ELOF1: variants seen among roughly 807,000 people sequenced by gnomAD.
ELOF1 encodes transcription elongation factor 1 homolog.
A neutral mutation model predicts 7.1 loss-of-function variants in ELOF1; 4 were observed. The observed-to-expected ratio is 0.56, with a 90% CI of 0.28 to 1.29. The LOEUF is 1.29. ELOF1 is among the 50% of genes most tolerant of loss of function. ELOF1 has a pLI of 0.10. For missense variants in ELOF1, 59 were observed against 86.3 expected, an observed-to-expected ratio of 0.68 and a Z score of 1.25; for synonymous variants, 31 against 31.9, an observed-to-expected ratio of 0.97 and a Z score of 0.09.
At chr19:11,558,298 T>C (rs1242795097) in intron 1 of ELOF1, among the ~76,000 whole-genome samples, 1 of 152,004 alleles carries the variant, frequency 6.6e-6, no homozygotes, top group Non-Finnish European at 1.5e-5. Context: ...GTATTTTTTG[T>C]AGAGACAGGG....
intron 3 of ELOF1, 75 bp from the exon 4 acceptor site, chr19:11,553,885 T>C (rs1337326887): frequency 6.2e-7 from 1 of 1,610,186 alleles, no homozygotes; most frequent in East Asian, 2.2e-5. Flanking sequence ...CAGAAATCAC[T>C]AGGTGGCACC....
chr19:11,556,453 C>T (rs939604651), intron 1 of ELOF1, among the ~76,000 whole-genome samples: 3 of 151,930 alleles, frequency 2.0e-5, no homozygotes, highest in African/African-American at 4.8e-5. Flanking sequence ...GCATGCACTA[C>T]CACGCGTGGC....
At chr19:11,553,485 C>T (rs1972762096) in intron 3 of ELOF1, 5 of 594,986 alleles carry the variant, frequency 8.4e-6, no homozygotes, top group Non-Finnish European at 1.5e-5. Context: ...CCCGACACCA[C>T]CGCGTACCTG....
chr19:11,553,528 G>A, intron 3 of ELOF1: 3 of 627,926 alleles, frequency 4.8e-6, no homozygotes, highest in Admixed American at 2.7e-5. Context: ...CCAGTGACAC[G>A]TGCAGCCACA....
Position 11,553,604 on chromosome 19 carries a change from CACACA to C in ELOF1, c.187+402_187+406del, listed in dbSNP as rs1236549551. 6.0e-4 allele frequency: 390 copies of C among 650,550 alleles called. No individual in the cohort carries two copies. In the East Asian group the frequency reaches 8.3e-3, roughly 14 times the overall value. 40.3% of individuals were successfully genotyped at this position (650,550 alleles called of 1,614,324 possible). On this transcript the variant is annotated intron_variant, in intron 3 of 3. Coordinates refer to ENST00000586683, the Ensembl canonical transcript of ELOF1. ...CACTACACACACACACACACACACA[CACACA>C]CACACACACACACACACACACACGG...
chr19:11,559,004 G>A (rs1434851114), intron 1 of ELOF1, 187 bp downstream of exon 1: 2 of 152,060 alleles, frequency 1.3e-5, no homozygotes, highest in African/African-American at 4.8e-5. Context: ...CCGCCGGGAG[G>A]AGCCAGGCGT....
chr19:11,557,172 A>C (rs1972845278), intron 1 of ELOF1, among the ~76,000 whole-genome samples: 1 of 152,024 alleles, frequency 6.6e-6, no homozygotes, highest in Non-Finnish European at 1.5e-5. Context: ...CCCATTCCAG[A>C]GGTCCTTCCT....
chr19:11,554,402 C>T (rs1346059346), intron 1 of ELOF1, 37 bp from the exon 2 acceptor site: 1 of 1,597,678 alleles, frequency 6.3e-7, no homozygotes, highest in Non-Finnish European at 8.6e-7. Flanking sequence ...TTTGAGGAAA[C>T]CACGCAGCGC....
At chr19:11,553,949 G>A in intron 3 of ELOF1, 62 bp downstream of exon 3, 3 of 1,611,946 alleles carry the variant, frequency 1.9e-6, no homozygotes, top group South Asian at 1.1e-5. Context: ...GGCCAGATGA[G>A]CAGGGTCCGG....
chr19:11,558,027 A>C (rs972733679), intron 1 of ELOF1, among the ~76,000 whole-genome samples: 25 of 152,154 alleles, frequency 1.6e-4, no homozygotes, highest in Admixed American at 1.5e-3. Context: ...TATCTGCCTC[A>C]GCCACACCTC....
At chr19:11,554,551 G>C in intron 1 of ELOF1, 186 bp from the exon 2 acceptor site, 2 of 836,062 alleles carry the variant, frequency 2.4e-6, no homozygotes, top group Non-Finnish European at 3.6e-6. Context: ...TGGATGGAAG[G>C]GGTGAGACGA....
intron 1 of ELOF1, chr19:11,555,777 C>T (rs1972823641): frequency 1.3e-5 from 2 of 152,664 alleles, no homozygotes; most frequent in African/African-American, 4.8e-5. Context: ...CGGTGTGAGC[C>T]ATAATCTGGA....
intron 1 of ELOF1, 111 bp from the exon 2 acceptor site, chr19:11,554,476 G>A: frequency 1.4e-6 from 2 of 1,453,230 alleles, no homozygotes; most frequent in Non-Finnish European, 1.8e-6. Context: ...GTGGTCCCGG[G>A]GCCTCTGCCC....
At chr19:11,553,357 C>T in intron 3 of ELOF1, 1 of 455,504 alleles carries the variant, frequency 2.2e-6, no homozygotes, top group Non-Finnish European at 3.9e-6. Flanking sequence ...AGGAAACAGT[C>T]CCCCAATTCC....
At chr19:11,553,510 C>A (rs963496286) in intron 3 of ELOF1, 1 of 616,976 alleles carries the variant, frequency 1.6e-6, no homozygotes, top group Admixed American at 2.8e-5. Context: ...CACACACTCA[C>A]GGCCACCCCA....
At chr19:11,557,459 G>A (rs1485368207) in intron 1 of ELOF1, among the ~76,000 whole-genome samples, 2 of 151,868 alleles carry the variant, frequency 1.3e-5, no homozygotes, top group African/African-American at 2.4e-5. Context: ...AGCTGGGCGT[G>A]GTGGCACATG....
intron 1 of ELOF1, among the ~76,000 whole-genome samples, chr19:11,557,887 A>G (rs1409241790): frequency 6.6e-6 from 1 of 152,106 alleles, no homozygotes; most frequent in Non-Finnish European, 1.5e-5. Flanking sequence ...CATGAGTTTA[A>G]TTGTTGGATC....
At position 11,558,302 on chromosome 19, in the gene ELOF1, G is replaced by T. The variant is rs1005733392; in HGVS notation, c.-19+889C>A. 3.3e-5 allele frequency among the ~76,000 whole-genome samples: 5 copies of T among 151,968 alleles called. 1 individual carries two copies. The highest frequency in any genetic ancestry group is 6.6e-5 in the Admixed American group (1 of 15,250). ...AGCTAATTTTTGTATTTTTTGTAGA[G>T]ACAGGGACCCACCATGTTGCCCAGC... is the stretch of plus-strand genomic sequence containing the variant. On this transcript the variant is annotated intron_variant, in intron 1 of 3. Transcript: ENST00000586683.
At chr19:11,558,434 A>C (rs1377746671) in intron 1 of ELOF1, among the ~76,000 whole-genome samples, 3 of 151,902 alleles carry the variant, frequency 2.0e-5, no homozygotes, top group Non-Finnish European at 4.4e-5. Flanking sequence ...TACTGAATAA[A>C]TCACTCAATC....
Sources: allele counts gnomAD v4.1 joint callset (sites outside exome capture counted in the v4.1 genomes callset), GRCh38; gene constraint gnomAD v4.1.1; transcripts MANE v1.5; gene names NCBI Gene and HGNC (gene_info 2026-07-23, HGNC 2026-07-21).